The following HMGXB4 variants were observed in gnomAD, a reference collection of about 807,000 sequenced individuals.
HMGXB4 encodes HMG domain-containing protein 4.
In HMGXB4, 27 loss-of-function variants were observed where a neutral mutation model predicts 63.9. The ratio of observed to expected loss-of-function variants is 0.42; its 90% CI spans 0.31 to 0.58. The LOEUF (loss-of-function observed/expected upper bound fraction) is 0.58. Among genes scored for constraint, HMGXB4 ranks in the 20% least tolerant of loss-of-function variants. HMGXB4 has a pLI of 0.13. For missense variants in HMGXB4, 624 were observed against 700.7 expected, an observed-to-expected ratio of 0.89 and a Z score of 1.24; for synonymous variants, 264 against 265.3, an observed-to-expected ratio of 0.99 and a Z score of 0.05.
intron 5 of HMGXB4, among the ~76,000 whole-genome samples, chr22:35,265,942 A>AT (rs369153687): frequency 0.043 from 5,852 of 135,734 alleles, 147 homozygotes; most frequent in Middle Eastern, 0.072. Context: ...CACCCGACTA[A>AT]TTTTTTTTTT....
intron 8 of HMGXB4, among the ~76,000 whole-genome samples, chr22:35,288,006 C>T (rs963227337): frequency 2.0e-5 from 3 of 151,976 alleles, no homozygotes; most frequent in East Asian, 1.9e-4. Context: ...TATGCATTCT[C>T]GCATTCTCTG....
intron 5 of HMGXB4, among the ~76,000 whole-genome samples, chr22:35,279,781 C>T (rs1053182325): frequency 7.3e-5 from 10 of 136,242 alleles, no homozygotes; most frequent in African/African-American, 1.9e-4. Context: ...GCTCCTTTGT[C>T]AAAGATTCGT....
At chr22:35,279,699 T>TTTTTTTTTTTTTTTTG (rs144948164) in intron 5 of HMGXB4, among the ~76,000 whole-genome samples, 2 of 108,154 alleles carry the variant, frequency 1.8e-5, no homozygotes, top group African/African-American at 2.9e-5. Context: ...TTTTTTTTTT[T>TTTTTTTTTTTTTTTTG]GGCATGTGGA....
At position 35,290,338 on chromosome 22, in the gene HMGXB4, G is replaced by C. The variant is rs536392688; in HGVS notation, c.1638+1931G>C. On this transcript the variant is annotated intron_variant, in intron 9 of 10. Transcript: ENST00000216106. ...CTACTATTTCATTCCAAAACATATT[G>C]TTACCCCTAAAAGAAACCCTGTACC... is the stretch of plus-strand genomic sequence containing the variant. Among the ~76,000 whole-genome samples the C allele has an allele frequency of 2.6e-5, 4 of 151,850 alleles. 1 individual carries two copies. In the South Asian group the frequency reaches 8.3e-4, roughly 32 times the overall value.
chr22:35,283,665 C>T (rs6518947), intron 5 of HMGXB4, among the ~76,000 whole-genome samples: 80,897 of 151,848 alleles, frequency 0.53, 23,618 homozygotes, highest in Non-Finnish European at 0.65. Flanking sequence ...TGGCAGGCAC[C>T]TGTAATCTCA....
At chr22:35,278,322 G>T (rs1032836772) in intron 5 of HMGXB4, among the ~76,000 whole-genome samples, 1 of 152,208 alleles carries the variant, frequency 6.6e-6, no homozygotes, top group African/African-American at 2.4e-5. Flanking sequence ...ACTTCCAAGT[G>T]CAGGTTTTTG....
chr22:35,246,375 C>T, the HMGXB4 span, among the ~76,000 whole-genome samples: 1 of 151,998 alleles, frequency 6.6e-6, no homozygotes, highest in Admixed American at 6.5e-5. Flanking sequence ...CCCGGGTTCA[C>T]ACCATTCTCC....
the HMGXB4 span, among the ~76,000 whole-genome samples, chr22:35,251,130 A>G: frequency 6.6e-6 from 1 of 150,934 alleles, no homozygotes; most frequent in East Asian, 1.9e-4. Context: ...GCTAGAGTGC[A>G]GTGGCGCGAT....
intron 5 of HMGXB4, among the ~76,000 whole-genome samples, chr22:35,268,343 A>C (rs559456031): frequency 1.6e-4 from 25 of 152,312 alleles, no homozygotes; most frequent in Middle Eastern, 3.4e-3. Flanking sequence ...CTGCACAAAT[A>C]TTAAGCTTGA....
intron 3 of HMGXB4, 108 bp from the exon 4 acceptor site, chr22:35,263,688 A>G (rs751927613): frequency 4.7e-5 from 35 of 749,710 alleles, no homozygotes; most frequent in Non-Finnish European, 7.5e-5. Flanking sequence ...TATTTTTATT[A>G]TTTCTTGTGC....
At chr22:35,275,895 G>A (rs1923889050) in intron 5 of HMGXB4, among the ~76,000 whole-genome samples, 1 of 152,154 alleles carries the variant, frequency 6.6e-6, no homozygotes, top group African/African-American at 2.4e-5. Flanking sequence ...AAGTATCCAA[G>A]TTTTAAAAAT....
At chr22:35,254,987 T>G (rs185357303), upstream of HMGXB4, among the ~76,000 whole-genome samples, 1 of 152,204 alleles carries the variant, frequency 6.6e-6, no homozygotes, top group Non-Finnish European at 1.5e-5. Context: ...TTTGCCTACC[T>G]AACATGCACT....
At chr22:35,269,787 G>A (rs191510082) in intron 5 of HMGXB4, among the ~76,000 whole-genome samples, 8 of 152,234 alleles carry the variant, frequency 5.3e-5, no homozygotes, top group Admixed American at 2.6e-4. Flanking sequence ...CAGGAGGATC[G>A]CTTGAGTCCA....
intron 5 of HMGXB4, among the ~76,000 whole-genome samples, chr22:35,275,713 T>C (rs1306526237): frequency 1.3e-5 from 2 of 152,186 alleles, no homozygotes. Context: ...CACTCCATCC[T>C]GGGTGACACA....
the HMGXB4 span, among the ~76,000 whole-genome samples, chr22:35,248,360 G>A: frequency 6.6e-6 from 1 of 151,308 alleles, no homozygotes; most frequent in African/African-American, 2.4e-5. Flanking sequence ...ATGGCAGAAG[G>A]CAATGGCGAG....
chr22:35,293,539 C>A (rs1925053551), intron 10 of HMGXB4, 68 bp from the exon 11 acceptor site: 3 of 1,056,608 alleles, frequency 2.8e-6, no homozygotes, highest in Non-Finnish European at 1.5e-6. Flanking sequence ...TCTCCTTGAA[C>A]AAAGAAACAT....
intron 7 of HMGXB4, 41 bp downstream of exon 7, chr22:35,286,102 C>T (rs916074024): frequency 2.0e-5 from 27 of 1,382,286 alleles, no homozygotes; most frequent in Non-Finnish European, 2.1e-5. Context: ...CAGTGCTTCT[C>T]GCCTTCCAAA....
upstream of HMGXB4, among the ~76,000 whole-genome samples, chr22:35,253,144 A>AAAAAAAAAAAAAAAAAGAAAAAAAG (rs11282400): frequency 4.0e-5 from 5 of 125,366 alleles, no homozygotes; most frequent in African/African-American, 1.1e-4. Flanking sequence ...AAAAAAAAAA[A>AAAAAAAAAAAAAAAAAGAAAAAAAG]AAAAAAGAAA....
Position 35,288,377 on chromosome 22 carries a change from C to G in HMGXB4, c.1608C>G (p.Ser536Arg). 1 of 1,607,578 alleles carries G rather than the reference C, an allele frequency of 6.2e-7. No homozygotes were observed. The highest frequency in any genetic ancestry group is 1.3e-5 in the African/African-American group (1 of 74,814). The part of the protein sequence containing the change: ...AHLQLLGESL[S>R]LIGHRLQETE... Reference sequence around the variant, plus strand: ...TTCAGCTGTTGGGAGAGTCCCTAAGCCTCATTGGACACCGTCTGCAGGAAA... The same window carrying G: ...TTCAGCTGTTGGGAGAGTCCCTAAGGCTCATTGGACACCGTCTGCAGGAAA... The change falls in exon 9 of 11, where the codon AGC (serine) becomes AGG (arginine). Residue 536 changes from serine to arginine, a missense_variant. By Grantham distance (110) the Ser-to-Arg change is moderately radical. Coordinates refer to ENST00000216106, the MANE Select transcript of HMGXB4 (RefSeq NM_001003681.3).
Sources: gnomAD v4.1 joint callset for allele counts (sites outside exome capture counted in the v4.1 genomes callset) on GRCh38, gnomAD v4.1.1 for gene constraint, MANE v1.5 for transcripts, NCBI Gene and HGNC (gene_info 2026-07-23, HGNC 2026-07-21) for gene names.